The following CTNND2 variants were observed in gnomAD, a reference collection of about 807,000 sequenced individuals.
CTNND2 encodes the protein catenin delta-2.
Under a neutral mutation model 144.4 loss-of-function variants are expected in CTNND2, and 22 were observed. The ratio of observed to expected loss-of-function variants is 0.15; its 90% CI spans 0.11 to 0.22. The LOEUF is 0.22. CTNND2 is among the 10% of genes least tolerant of loss of function. The pLI is 1.00. For missense variants in CTNND2, 1,353 were observed against 1,618.8 expected, an observed-to-expected ratio of 0.84 and a Z score of 2.82; for synonymous variants, 751 against 695.6, an observed-to-expected ratio of 1.08 and a Z score of -1.25.
At chr5:11,109,350 G>C (rs1224154908) in intron 14 of CTNND2, among the ~76,000 whole-genome samples, 1 of 151,916 alleles carries the variant, frequency 6.6e-6, no homozygotes, top group Non-Finnish European at 1.5e-5. Context: ...TCATATTTTT[G>C]TATCATATAT....
At chr5:11,090,039 AAATGGTT>A (rs1164076010) in intron 15 of CTNND2, among the ~76,000 whole-genome samples, 1 of 152,138 alleles carries the variant, frequency 6.6e-6, no homozygotes, top group African/African-American at 2.4e-5. Context: ...TAGATAAATA[AAATGGTT>A]ACATGCTCCT....
chr5:11,188,767 T>C (rs1303383617), intron 11 of CTNND2, among the ~76,000 whole-genome samples: 2 of 152,202 alleles, frequency 1.3e-5, no homozygotes, highest in African/African-American at 4.8e-5. Context: ...GAAGGGTTTC[T>C]GAAGACTCTA....
chr5:11,022,677 A>T (rs1416040658), intron 17 of CTNND2, 92 bp downstream of exon 17: 10 of 905,834 alleles, frequency 1.1e-5, no homozygotes, highest in Non-Finnish European at 1.8e-5. Flanking sequence ...CTTTCCAGTG[A>T]CAGTCATAGT....
At chr5:11,280,428 G>A (rs1408342166) in intron 9 of CTNND2, among the ~76,000 whole-genome samples, 1 of 152,178 alleles carries the variant, frequency 6.6e-6, no homozygotes, top group African/African-American at 2.4e-5. Flanking sequence ...GTTCCAGCAG[G>A]TTTTGATTTC....
At chr5:11,470,954 G>GTATATATATATATATATATATATATATA (rs71595821) in intron 3 of CTNND2, among the ~76,000 whole-genome samples, 4 of 63,246 alleles carry the variant, frequency 6.3e-5, no homozygotes, top group Non-Finnish European at 9.8e-5. Flanking sequence ...TTGATACAAA[G>GTATATATATATATATATATATATATATA]TATATATATA....
rs1411823676 is a variant in CTNND2 at position 11,879,341 on chromosome 5, G to GTA, written c.37+24474_37+24475dup. On this transcript the variant is annotated intron_variant, in intron 1 of 21. Coordinates refer to ENST00000304623, the MANE Select transcript of CTNND2 (RefSeq NM_001332.4). ...AAGTGTATTAAAAAATTAAATGTGT[G>GTA]TATATATATATATATACATATACAC... is the stretch of plus-strand genomic sequence containing the variant. Among the ~76,000 whole-genome samples the GTA allele has an allele frequency of 6.4e-5, 7 of 109,338 alleles. 1 individual carries two copies. The highest frequency in any genetic ancestry group is 1.2e-4 in the African/African-American group (4 of 33,496). The allele number at this position is 109,338 out of a possible 152,430, so 71.7% of individuals were successfully genotyped here. A position where few individuals can be genotyped will look rare whatever the true frequency, so the allele number is the denominator to read the frequency against.
chr5:11,326,917 A>T (rs1425493695), intron 9 of CTNND2, among the ~76,000 whole-genome samples: 1 of 152,188 alleles, frequency 6.6e-6, no homozygotes, highest in Non-Finnish European at 1.5e-5. Context: ...TTTCAAGGTG[A>T]TGCAGAGGCA....
chr5:11,098,479 T>C, intron 15 of CTNND2, 96 bp downstream of exon 15: 1 of 1,092,774 alleles, frequency 9.2e-7, no homozygotes, highest in Non-Finnish European at 1.3e-6. Context: ...TAGAAATCTT[T>C]ATTAGAGTTG....
chr5:11,274,464 A>C (rs761741872), intron 9 of CTNND2, among the ~76,000 whole-genome samples: 3 of 152,204 alleles, frequency 2.0e-5, no homozygotes, highest in Non-Finnish European at 4.4e-5. Flanking sequence ...CAAAAATGTG[A>C]GACAAGCCCA....
At chr5:11,392,176 A>G (rs61749818) in intron 6 of CTNND2, among the ~76,000 whole-genome samples, 2 of 152,296 alleles carry the variant, frequency 1.3e-5, no homozygotes, top group Non-Finnish European at 2.9e-5. Flanking sequence ...CTAAGTCACA[A>G]GTGCAAACAT....
intron 9 of CTNND2, among the ~76,000 whole-genome samples, chr5:11,240,603 AAC>A (rs898407271): frequency 6.0e-5 from 8 of 132,422 alleles, no homozygotes; most frequent in African/African-American, 1.8e-4. Context: ...ACACACACCC[AAC>A]ACACACACCC....
In CTNND2 at chr5:11,732,242, G is replaced by A. The variant is rs1252461309; in HGVS notation, c.68C>T (p.Ser23Leu). 6.2e-7 allele frequency: 1 copy of A among 1,613,824 alleles called. No individual in the cohort carries two copies. Among genetic ancestry groups the A allele is most frequent in the Non-Finnish European group, 8.5e-7 (1 of 1,179,892 alleles). ...CAGGGAACTCGTCTTCTCTGAGGCT[G>A]ATGAAGGCTGGTCTGGAACAGGCAT... The part of the protein sequence containing the change: ...GAMPVPDQPS[S>L]ASEKTSSLSP... Residue 23 changes from serine to leucine, a missense_variant, in exon 2 of 22, where the codon TCA (serine) becomes TTA (leucine). This residue lies in a region of CTNND2 where 708 missense variants were observed against 706.4 expected (regional missense o/e 1.00). Transcript: ENST00000304623.
At chr5:11,627,218 G>T (rs1781204293) in intron 2 of CTNND2, among the ~76,000 whole-genome samples, 1 of 152,114 alleles carries the variant, frequency 6.6e-6, no homozygotes, top group Admixed American at 6.6e-5. Context: ...GAGGGCTAGT[G>T]GTAGTGCACT....
intron 3 of CTNND2, among the ~76,000 whole-genome samples, chr5:11,418,569 A>C (rs897078078): frequency 6.6e-6 from 1 of 152,218 alleles, no homozygotes. Context: ...AGTTTATGGT[A>C]ATAAAGCCAC....
intron 17 of CTNND2, among the ~76,000 whole-genome samples, chr5:11,018,356 C>T (rs2149532840): frequency 2.0e-5 from 3 of 152,160 alleles, no homozygotes; most frequent in Admixed American, 2.0e-4. Context: ...AGAAATTAGG[C>T]CAATTAATAA....
chr5:11,490,148 C>T (rs574224276), intron 3 of CTNND2, among the ~76,000 whole-genome samples: 9 of 152,282 alleles, frequency 5.9e-5, no homozygotes, highest in Admixed American at 4.6e-4. Flanking sequence ...CTACACAGAG[C>T]TTGCAACCAC....
intron 10 of CTNND2, among the ~76,000 whole-genome samples, chr5:11,232,729 G>A (rs1362682838): frequency 6.6e-6 from 1 of 152,172 alleles, no homozygotes; most frequent in East Asian, 1.9e-4. Context: ...AAGACTTTGG[G>A]GATTGTTGGG....
intron 16 of CTNND2, among the ~76,000 whole-genome samples, chr5:11,052,041 G>T (rs2149583559): frequency 6.6e-6 from 1 of 152,246 alleles, no homozygotes; most frequent in South Asian, 2.1e-4. Context: ...AGCGGGCCGG[G>T]GCTTGGTCCT....
At chr5:11,561,995 G>A (rs182656662) in intron 3 of CTNND2, among the ~76,000 whole-genome samples, 37 of 152,102 alleles carry the variant, frequency 2.4e-4, no homozygotes, top group African/African-American at 8.2e-4. Flanking sequence ...GCAGTAAGCC[G>A]AGATCGTGCC....
Sources: allele counts gnomAD v4.1 joint callset (sites outside exome capture counted in the v4.1 genomes callset), GRCh38; gene constraint gnomAD v4.1.1; regional missense constraint gnomAD v4.1.1; transcripts MANE v1.5; gene names NCBI Gene and HGNC (gene_info 2026-07-23, HGNC 2026-07-21).